Variants in MATCAP2 observed in about 807,000 individuals in gnomAD.
The protein encoded by MATCAP2 is putative tyrosine carboxypeptidase MATCAP2.
At chr7:36,366,995 G>A in the MATCAP2 span, 7 of 1,315,928 alleles carry the variant, frequency 5.3e-6, no homozygotes, top group Non-Finnish European at 6.7e-6. Flanking sequence ...AAAGGGCCGC[G>A]CAGGGGCGGG....
the MATCAP2 span, among the ~76,000 whole-genome samples, chr7:36,347,980 T>G: frequency 6.6e-6 from 1 of 152,124 alleles, no homozygotes; most frequent in Non-Finnish European, 1.5e-5. Flanking sequence ...AAATTATAGT[T>G]TGGAAAATAT....
chr7:36,366,772 T>G, the MATCAP2 span: 1 of 1,534,672 alleles, frequency 6.5e-7, no homozygotes, highest in Non-Finnish European at 8.7e-7. Flanking sequence ...CGCGAGCGCC[T>G]CCTGCGCGCC....
At chr7:36,325,306 T>C in the MATCAP2 span, 9 of 152,206 alleles carry the variant, frequency 5.9e-5, no homozygotes, top group Non-Finnish European at 5.9e-5. Flanking sequence ...CCTTTACTGC[T>C]AAAAGCAAGA....
the MATCAP2 span, among the ~76,000 whole-genome samples, chr7:36,339,680 T>C: frequency 5.9e-5 from 9 of 152,224 alleles, no homozygotes; most frequent in Non-Finnish European, 1.2e-4. Flanking sequence ...AACCTAATAG[T>C]CACCAGTTAT....
chr7:36,337,098 C>CAAA, the MATCAP2 span, among the ~76,000 whole-genome samples: 12 of 18,528 alleles, frequency 6.5e-4, 2 homozygotes, highest in African/African-American at 1.9e-3. Flanking sequence ...AACTCCATCT[C>CAAA]AAAAAAAAAA....
chr7:36,331,220 A>G, the MATCAP2 span: 1 of 573,884 alleles, frequency 1.7e-6, no homozygotes, highest in Non-Finnish European at 3.2e-6. Flanking sequence ...TTTTTATTTA[A>G]CTATCTTCAT....
At chr7:36,380,517 A>G in the MATCAP2 span, among the ~76,000 whole-genome samples, 2 of 152,242 alleles carry the variant, frequency 1.3e-5, no homozygotes, top group Admixed American at 6.5e-5. Flanking sequence ...TGCAGCAAGA[A>G]GGACAAGAGA....
chr7:36,389,323 A>C, the MATCAP2 span, among the ~76,000 whole-genome samples: 1 of 151,446 alleles, frequency 6.6e-6, no homozygotes, highest in Non-Finnish European at 1.5e-5. Flanking sequence ...GGCCTCCCAC[A>C]GTGCTGGGAT....
the MATCAP2 span, among the ~76,000 whole-genome samples, chr7:36,347,688 T>TA: frequency 4.6e-5 from 7 of 152,254 alleles, no homozygotes; most frequent in African/African-American, 1.7e-4. Context: ...ACTTAAGTTT[T>TA]AACAGAAGAT....
the MATCAP2 span, chr7:36,390,353 A>G: frequency 2.3e-6 from 1 of 433,792 alleles, no homozygotes; most frequent in African/African-American, 2.0e-5. Flanking sequence ...TGGCGCAGCA[A>G]GAGTGAGGCG....
At chr7:36,326,881 G>C in the MATCAP2 span, 2 of 1,613,592 alleles carry the variant, frequency 1.2e-6, no homozygotes, top group Non-Finnish European at 1.7e-6. Context: ...TTCGGTAACT[G>C]CCAATCCTTT....
At chr7:36,326,962 T>C in the MATCAP2 span, 3 of 1,521,116 alleles carry the variant, frequency 2.0e-6, no homozygotes, top group East Asian at 2.3e-5. Flanking sequence ...GTAACTACAA[T>C]GTACATTTTA....
At chr7:36,352,956 C>G in the MATCAP2 span, among the ~76,000 whole-genome samples, 1 of 152,026 alleles carries the variant, frequency 6.6e-6, no homozygotes, top group African/African-American at 2.4e-5. Context: ...CCAGAAGGTG[C>G]CTTGTCTATG....
At chr7:36,359,638 A>AG in the MATCAP2 span, among the ~76,000 whole-genome samples, 6 of 152,248 alleles carry the variant, frequency 3.9e-5, no homozygotes, top group Non-Finnish European at 8.8e-5. Flanking sequence ...TGTTGAAGAC[A>AG]GGTTGTACAA....
At chr7:36,337,124 A>AAAAAAAAAAAAAC in the MATCAP2 span, among the ~76,000 whole-genome samples, 1 of 145,212 alleles carries the variant, frequency 6.9e-6, no homozygotes, top group Non-Finnish European at 1.5e-5. Context: ...AAAAAAAAAA[A>AAAAAAAAAAAAAC]AGCAATCAGT....
At chr7:36,387,552 T>C in the MATCAP2 span, among the ~76,000 whole-genome samples, 2 of 152,188 alleles carry the variant, frequency 1.3e-5, no homozygotes, top group East Asian at 3.8e-4. Flanking sequence ...ACAATTGTAA[T>C]ACCCTAGGAG....
chr7:36,377,936 T>C, the MATCAP2 span, among the ~76,000 whole-genome samples: 1 of 152,222 alleles, frequency 6.6e-6, no homozygotes, highest in East Asian at 1.9e-4. Flanking sequence ...TCTCATGCCA[T>C]GGTTTTGAGC....
At chr7:36,331,123 A>G in the MATCAP2 span, 2 of 1,192,964 alleles carry the variant, frequency 1.7e-6, no homozygotes, top group Non-Finnish European at 2.5e-6. Context: ...GTTCAGAAAA[A>G]TTACTAAGTA....
the MATCAP2 span, among the ~76,000 whole-genome samples, chr7:36,336,906 T>TAAAGAAA: frequency 6.6e-6 from 1 of 151,342 alleles, no homozygotes; most frequent in Non-Finnish European, 1.5e-5. Context: ...ACCAGCCTGG[T>TAAAGAAA]CCACATGGTG....
Sources: gnomAD v4.1 joint callset for allele counts (sites outside exome capture counted in the v4.1 genomes callset) on GRCh38, gnomAD v4.1.1 for gene constraint, MANE v1.5 for transcripts, NCBI Gene and HGNC (gene_info 2026-07-23, HGNC 2026-07-21) for gene names.